COL5A1: variants seen among roughly 807,000 people sequenced by gnomAD.
COL5A1 encodes the protein collagen alpha-1(V) chain.
A neutral mutation model predicts 263.7 loss-of-function variants in COL5A1; 16 were observed. The observed-to-expected ratio is 0.06, with a 90% confidence interval of 0.04 to 0.09. COL5A1 has a LOEUF of 0.09. Ranked by LOEUF, COL5A1 falls within the 10% of genes least tolerant of loss-of-function variation. The probability of loss-of-function intolerance (pLI) is 1.00; values close to 1 mark genes in which losing one functional copy is unlikely to be tolerated. For synonymous variants in COL5A1, 1,012 were observed against 1,004.5 expected, an observed-to-expected ratio of 1.01 and a Z score of -0.14; for missense variants, 2,036 against 2,540.5, an observed-to-expected ratio of 0.80 and a Z score of 4.27.
Position 134,763,099 on chromosome 9 carries a change from T to C in COL5A1, c.1990-594T>C, listed in dbSNP as rs528453981. Among the ~76,000 whole-genome samples, 135 of 136,812 alleles carry C rather than the reference T, an allele frequency of 9.9e-4. 1 individual carries two copies. Among genetic ancestry groups the C allele is most frequent in the African/African-American group, 3.8e-3 (133 of 34,760 alleles). The allele number at this position is 136,812 out of a possible 152,430, so 89.8% of individuals were successfully genotyped here. A position where few individuals can be genotyped will look rare whatever the true frequency, so the allele number is the denominator to read the frequency against. The stretch of plus-strand genomic sequence containing the variant: ...TGCATGCACAGGGTCTGTGTGTCCA[T>C]GTGTGTGTAGGCATGTGTAGGCAGG... On this transcript the variant is annotated intron_variant, in intron 19 of 65. Coordinates refer to ENST00000371817, the MANE Select transcript of COL5A1 (RefSeq NM_000093.5).
chr9:134,725,147 A>G lies in COL5A1; in HGVS notation c.655-2119A>G, dbSNP rs528288330. ...GTCTCCAGGACCGGAGCACCTGGACATGGTCCTCCAAGTTCTTTTCCCTCC... is the reference window on the plus strand; with the variant it reads ...GTCTCCAGGACCGGAGCACCTGGACGTGGTCCTCCAAGTTCTTTTCCCTCC... On this transcript the variant is annotated intron_variant, in intron 4 of 65. Transcript: ENST00000371817. Among the ~76,000 whole-genome samples the G allele has an allele frequency of 1.8e-3, 278 of 152,236 alleles. 3 individuals are homozygous for G. Among genetic ancestry groups the G allele is most frequent in the Middle Eastern group, 0.014 (4 of 294 alleles).
At chr9:134,706,332 G>GA (rs1415146054) in intron 4 of COL5A1, among the ~76,000 whole-genome samples, 1 of 152,212 alleles carries the variant, frequency 6.6e-6, no homozygotes, top group Non-Finnish European at 1.5e-5. Flanking sequence ...GGGGAAGGCA[G>GA]AGGGGCTGGG....
intron 1 of COL5A1, among the ~76,000 whole-genome samples, chr9:134,683,098 C>G (rs544142607): frequency 2.1e-4 from 32 of 152,240 alleles, no homozygotes; most frequent in African/African-American, 7.0e-4. Context: ...CTGTGAGGGC[C>G]GCCATGAGAC....
chr9:134,727,091 C>T (rs1834691663), intron 4 of COL5A1, among the ~76,000 whole-genome samples, 175 bp from the exon 5 acceptor site: 1 of 114,046 alleles, frequency 8.8e-6, no homozygotes, highest in African/African-American at 2.8e-5. Flanking sequence ...GCCAGCCTAG[C>T]TTGAGTGTCT....
chr9:134,695,292 C>G (rs1221909459), intron 2 of COL5A1, among the ~76,000 whole-genome samples: 2 of 151,696 alleles, frequency 1.3e-5, no homozygotes, highest in South Asian at 4.1e-4. Context: ...GCCTGTGGCT[C>G]TCCTGCACCC....
At chr9:134,703,031 C>T (rs1443520302) in intron 4 of COL5A1, among the ~76,000 whole-genome samples, 1 of 152,230 alleles carries the variant, frequency 6.6e-6, no homozygotes, top group African/African-American at 2.4e-5. Context: ...CGGCCCAGTG[C>T]AGACCGCAGA....
rs548215903 is a variant in COL5A1 at position 134,776,439 on chromosome 9, T to C, written c.2385+1527T>C. Among the ~76,000 whole-genome samples the C allele has an allele frequency of 1.5e-4, 23 of 152,358 alleles. No individual in the cohort carries two copies. In the East Asian group the frequency reaches 4.2e-3, roughly 28 times the overall value. ...ATCTGATTAAAATTCATTCATGACA[T>C]GAGCAATCCAGTTAGACTTGGAAGC... On this transcript the variant is annotated intron_variant, in intron 27 of 65. Coordinates refer to ENST00000371817, the MANE Select transcript of COL5A1 (RefSeq NM_000093.5).
intron 31 of COL5A1, among the ~76,000 whole-genome samples, chr9:134,786,819 C>T (rs948374957): frequency 6.6e-6 from 1 of 152,214 alleles, no homozygotes; most frequent in Non-Finnish European, 1.5e-5. Context: ...TCAGATCTGC[C>T]TCTGCCCGAG....
At chr9:134,645,199 C>T (rs1459925195) in intron 1 of COL5A1, among the ~76,000 whole-genome samples, 2 of 152,222 alleles carry the variant, frequency 1.3e-5, no homozygotes, top group Non-Finnish European at 2.9e-5. Flanking sequence ...CTGGGCTGCT[C>T]CTGCGGGGCT....
chr9:134,772,973 C>T (rs1428744550), intron 26 of COL5A1, 139 bp downstream of exon 26: 48 of 898,130 alleles, frequency 5.3e-5, no homozygotes, highest in South Asian at 1.1e-4. Context: ...CAGGTGTCTC[C>T]GCCAAGGGAC....
chr9:134,796,496 G>A, intron 35 of COL5A1, 78 bp downstream of exon 35: 1 of 1,472,636 alleles, frequency 6.8e-7, no homozygotes, highest in Non-Finnish European at 9.5e-7. Flanking sequence ...GTCCTGGGGT[G>A]GGCTGGGGCC....
In COL5A1 at chr9:134,696,016, G is replaced by A. The variant is rs991254835; in HGVS notation, c.278-3893G>A. On this transcript the variant is annotated intron_variant, in intron 2 of 65. Transcript: ENST00000371817. This position sits in a 1 kb window ranked among gnomAD's most constrained non-coding sequence, Gnocchi z 4.3. ...CCCTGGGCCTGCCATGCTCCCCTTAGCCCGGCCCCTCCTGGGCTGCCAGGG... is the reference window on the plus strand; with the variant it reads ...CCCTGGGCCTGCCATGCTCCCCTTAACCCGGCCCCTCCTGGGCTGCCAGGG... Among the ~76,000 whole-genome samples the A allele has an allele frequency of 2.6e-5, 4 of 152,116 alleles. No individual in the cohort carries two copies.
intron 25 of COL5A1, among the ~76,000 whole-genome samples, chr9:134,771,208 G>A (rs1005722926): frequency 2.0e-5 from 3 of 152,218 alleles, no homozygotes; most frequent in African/African-American, 7.2e-5. Flanking sequence ...CCGGGCTCTC[G>A]GCCCCCCTGC....
In COL5A1 at chr9:134,814,835, C is replaced by T. The variant is rs1227998517; in HGVS notation, c.3945C>T (p.Gly1315=). Residue 1315 remains glycine (G), a synonymous_variant, in exon 50 of 66, where the codon GGC becomes GGT. Coordinates refer to ENST00000371817, the MANE Select transcript of COL5A1 (RefSeq NM_000093.5). The part of the protein sequence containing the change: ...KGERGEKGES[G]PSGAAGPPGP... ...AAAGGGGAGAGAAGGGCGAGTCAGGCCCTTCAGGTGCTGCCGGACCCCCTG... is the reference window on the plus strand; with the variant it reads ...AAAGGGGAGAGAAGGGCGAGTCAGGTCCTTCAGGTGCTGCCGGACCCCCTG... 3.2e-6 allele frequency: 5 copies of T among 1,551,970 alleles called. No homozygotes were observed. The East Asian group carries it at 1.2e-4, about 38-fold the overall frequency.
chr9:134,810,584 G>C, intron 44 of COL5A1: 1 of 467,926 alleles, frequency 2.1e-6, no homozygotes, highest in Non-Finnish European at 3.8e-6. Flanking sequence ...GAGGGCTTGG[G>C]TTCTGCAGAC....
intron 1 of COL5A1, among the ~76,000 whole-genome samples, chr9:134,664,831 G>A (rs1832309458): frequency 6.6e-6 from 1 of 152,228 alleles, no homozygotes; most frequent in South Asian, 2.1e-4. Flanking sequence ...GGAGGCTGAG[G>A]AGGGTGGATC....
chr9:134,808,595 GTGTGCACATGCGAGTATGCTTGTTT>G (rs536929375), intron 42 of COL5A1, among the ~76,000 whole-genome samples: 53 of 151,382 alleles, frequency 3.5e-4, no homozygotes, highest in African/African-American at 1.3e-3. Flanking sequence ...ATATTCACAC[GTGTGCACATGCGAGTATGCTTGTTT>G]TGTGCACATG....
intron 32 of COL5A1, among the ~76,000 whole-genome samples, chr9:134,791,446 G>A (rs1837688284): frequency 1.3e-5 from 2 of 152,152 alleles, no homozygotes; most frequent in South Asian, 4.1e-4. Context: ...CAGTGGCATC[G>A]TCACTGCAGA....
chr9:134,827,611 G>A (rs1588603065), intron 63 of COL5A1, among the ~76,000 whole-genome samples: 1 of 152,348 alleles, frequency 6.6e-6, no homozygotes, highest in East Asian at 1.9e-4. Context: ...GGTTTCCTGG[G>A]AAGCCGCGGC....
Sources: gnomAD v4.1 joint callset for allele counts (sites outside exome capture counted in the v4.1 genomes callset) on GRCh38, gnomAD v4.1.1 for gene constraint, Gnocchi (gnomAD v3.1) non-coding constraint, MANE v1.5 for transcripts, NCBI Gene and HGNC (gene_info 2026-07-23, HGNC 2026-07-21) for gene names.